TENM2: variants seen among roughly 807,000 people sequenced by gnomAD.
TENM2 encodes teneurin transmembrane protein 2, also known as teneurin-2.
TENM2 carries 52 observed loss-of-function variants against 245.2 expected under a neutral mutation model. The observed-to-expected ratio is 0.21, with a 90% CI of 0.17 to 0.27. The LOEUF (loss-of-function observed/expected upper bound fraction) is 0.27, where lower values mean the gene tolerates loss of function less well. Ranked by LOEUF, TENM2 falls within the 10% of genes least tolerant of loss-of-function variation. TENM2 has a pLI of 1.00. For synonymous variants in TENM2, 1,363 were observed against 1,438.9 expected, an observed-to-expected ratio of 0.95 and a Z score of 1.19; for missense variants, 3,046 against 3,666.8, an observed-to-expected ratio of 0.83 and a Z score of 4.37.
At chr5:167,423,684 G>T (rs1317658376) in intron 2 of TENM2, among the ~76,000 whole-genome samples, 1 of 152,088 alleles carries the variant, frequency 6.6e-6, no homozygotes, top group East Asian at 1.9e-4. Context: ...CAATAGTCCA[G>T]GACTTCTTTA....
At chr5:167,786,407 C>T (rs1048572502) in intron 2 of TENM2, among the ~76,000 whole-genome samples, 2 of 152,196 alleles carry the variant, frequency 1.3e-5, no homozygotes, top group Non-Finnish European at 2.9e-5. Context: ...TAAGAAGACC[C>T]TCCATTGTAA....
rs140760909 is a variant in TENM2, at chr5:168,182,516, T to A, written c.2570-7821T>A. Among the ~76,000 whole-genome samples, 724 of 152,330 alleles carry A rather than the reference T, an allele frequency of 4.8e-3. 8 individuals are homozygous for A. Among genetic ancestry groups the A allele is most frequent in the African/African-American group, 0.016 (679 of 41,570 alleles). ...CAGGAATTCAGTCACGTGCCCAAGA[T>A]GACACAGCTGATAAATAATAGACCA... On this transcript the variant is annotated intron_variant, in intron 13 of 28. Transcript: ENST00000518659.
chr5:167,762,961 C>G (rs909239228), intron 2 of TENM2, among the ~76,000 whole-genome samples: 11 of 152,084 alleles, frequency 7.2e-5, no homozygotes, highest in Non-Finnish European at 1.0e-4. Flanking sequence ...TTTTTCCCAC[C>G]CTTTATTCCT....
At chr5:167,335,594 A>G (rs1229185240) in intron 1 of TENM2, among the ~76,000 whole-genome samples, 2 of 152,146 alleles carry the variant, frequency 1.3e-5, no homozygotes, top group Non-Finnish European at 2.9e-5. Flanking sequence ...TTAGCACCAC[A>G]GATGAGACTC....
At chr5:168,162,538 T>A in intron 12 of TENM2, 73 bp from the exon 15 acceptor site, 2 of 1,543,410 alleles carry the variant, frequency 1.3e-6, no homozygotes, top group South Asian at 2.4e-5. Context: ...CTTGCTCCCC[T>A]CTGCATGGCT....
intron 4 of TENM2, among the ~76,000 whole-genome samples, chr5:167,964,250 G>C (rs1319222652): frequency 1.3e-5 from 2 of 152,200 alleles, no homozygotes; most frequent in African/African-American, 4.8e-5. Context: ...GTAGAAAGTA[G>C]CTCAGTGACA....
chr5:167,720,731 G>A (rs769228873), intron 2 of TENM2, among the ~76,000 whole-genome samples: 20 of 152,294 alleles, frequency 1.3e-4, no homozygotes, highest in Non-Finnish European at 1.3e-4. Flanking sequence ...GGTTGAATGC[G>A]AGACCATAAT....
At chr5:167,480,407 A>G (rs935542309) in intron 2 of TENM2, among the ~76,000 whole-genome samples, 2 of 152,192 alleles carry the variant, frequency 1.3e-5, no homozygotes, top group East Asian at 1.9e-4. Context: ...AGAAATTTCC[A>G]TCTCATAAGG....
At chr5:167,183,850 C>T in the TENM2 span, among the ~76,000 whole-genome samples, 1 of 152,030 alleles carries the variant, frequency 6.6e-6, no homozygotes, top group African/African-American at 2.4e-5. Flanking sequence ...GGAAATGTAC[C>T]AATATGATTA....
the TENM2 span, among the ~76,000 whole-genome samples, chr5:167,010,844 A>G: frequency 6.6e-6 from 1 of 152,236 alleles, no homozygotes; most frequent in Non-Finnish European, 1.5e-5. Flanking sequence ...GAGTGATATT[A>G]AAATGATACA....
intron 27 of TENM2, among the ~76,000 whole-genome samples, chr5:168,251,898 G>T (rs1443680585): frequency 1.3e-5 from 2 of 152,200 alleles, no homozygotes; most frequent in East Asian, 3.8e-4. Context: ...GTACTGACTG[G>T]GTAGGAGCTC....
At chr5:167,009,998 T>C in the TENM2 span, among the ~76,000 whole-genome samples, 13 of 152,238 alleles carry the variant, frequency 8.5e-5, no homozygotes, top group Non-Finnish European at 1.3e-4. Flanking sequence ...TTTTAGGTTA[T>C]AGTTCTTAGT....
At chr5:167,254,621 A>G in the TENM2 span, among the ~76,000 whole-genome samples, 2 of 152,150 alleles carry the variant, frequency 1.3e-5, no homozygotes, top group Admixed American at 6.6e-5. Context: ...AGGAGGAGGA[A>G]TCTTGACAAT....
intron 2 of TENM2, among the ~76,000 whole-genome samples, chr5:167,539,758 CAAA>C (rs2127602435): frequency 6.6e-6 from 1 of 152,228 alleles, no homozygotes; most frequent in Non-Finnish European, 1.5e-5. Context: ...TTATATCAAA[CAAA>C]AGCCTTCATT....
At chr5:168,025,673 G>T (rs1030920770) in intron 5 of TENM2, among the ~76,000 whole-genome samples, 7 of 152,228 alleles carry the variant, frequency 4.6e-5, no homozygotes, top group African/African-American at 1.7e-4. Flanking sequence ...AAACACAACT[G>T]TGTGGTTCAG....
In TENM2 at chr5:167,954,862, T is replaced by A. The variant is rs539722501; in HGVS notation, c.947+2040T>A. ...TGTGCCACATTTTCTTTATCCAGTC[T>A]ATCATGGATGGGCATTTGGGTTGGT... is the stretch of plus-strand genomic sequence containing the variant. On this transcript the variant is annotated intron_variant, in intron 4 of 28. Transcript: ENST00000518659. Among the ~76,000 whole-genome samples the A allele has an allele frequency of 1.9e-4, 29 of 152,356 alleles. No homozygotes were observed. The South Asian group carries it at 5.4e-3, about 28-fold the overall frequency.
intron 2 of TENM2, among the ~76,000 whole-genome samples, chr5:167,802,881 T>G (rs1216713662): frequency 6.6e-6 from 1 of 152,206 alleles, no homozygotes; most frequent in African/African-American, 2.4e-5. Flanking sequence ...ACTATGAGAC[T>G]AGCAGGTATT....
rs183441083 is a variant in TENM2 at position 167,578,525 on chromosome 5, A to C, written c.502+203052A>C. Among the ~76,000 whole-genome samples the C allele has an allele frequency of 1.6e-4, 24 of 152,280 alleles. 1 individual carries two copies. The highest frequency in any genetic ancestry group is 1.2e-3 in the Admixed American group (19 of 15,296). On this transcript the variant is annotated intron_variant, in intron 2 of 28. Coordinates refer to ENST00000518659, the Ensembl canonical transcript of TENM2. ...TTTGTTTTCATGTTTTCATAAGAAAAACCTTCACCATTCGTTGGAGATCAG... is the reference window on the plus strand; with the variant it reads ...TTTGTTTTCATGTTTTCATAAGAAACACCTTCACCATTCGTTGGAGATCAG...
chr5:167,200,020 G>A, the TENM2 span, among the ~76,000 whole-genome samples: 7 of 152,006 alleles, frequency 4.6e-5, no homozygotes, highest in Non-Finnish European at 5.9e-5. Context: ...ATACTTCTTT[G>A]CCAGGCTGGT....
Sources: gnomAD v4.1 joint callset for allele counts (sites outside exome capture counted in the v4.1 genomes callset) on GRCh38, gnomAD v4.1.1 for gene constraint, MANE v1.5 for transcripts, NCBI Gene and HGNC (gene_info 2026-07-23, HGNC 2026-07-21) for gene names.